Variants in PTPN21 observed in about 807,000 individuals in gnomAD.
PTPN21 encodes protein tyrosine phosphatase non-receptor type 21, also known as tyrosine-protein phosphatase non-receptor type 21.
Under a neutral mutation model 131.8 loss-of-function variants are expected in PTPN21, and 77 were observed. The observed-to-expected ratio is 0.58, with a 90% CI of 0.49 to 0.71. The LOEUF is 0.71. Ranked by LOEUF, PTPN21 falls within the 30% of genes least tolerant of loss-of-function variation. PTPN21 has a pLI of 0.00. For synonymous variants in PTPN21, 715 were observed against 621.3 expected, an observed-to-expected ratio of 1.15 and a Z score of -2.24; for missense variants, 1,552 against 1,527.1, an observed-to-expected ratio of 1.02 and a Z score of -0.27.
Position 88,504,440 on chromosome 14 carries a change from A to T in PTPN21, c.572T>A (p.Leu191Gln). 6.2e-7 allele frequency: 1 copy of T among 1,610,042 alleles called. No individual in the cohort carries two copies. The highest frequency in any genetic ancestry group is 8.5e-7 in the Non-Finnish European group (1 of 1,176,296). Residue 191 changes from leucine to glutamine, a missense_variant, in exon 6 of 19, where the codon CTA becomes CAA. Physicochemically the swap from Leu to Gln is moderately radical, Grantham distance 113. This residue lies in a region of PTPN21 where 206 missense variants were observed against 221.6 expected (regional missense o/e 0.93). Coordinates refer to ENST00000556564, the MANE Select transcript of PTPN21 (RefSeq NM_007039.4). ...TTAGAGTTACCTGTATTTCTGATGTAGTAAGGCCACTTTTTGGGTTGCTTC... is the reference window on the plus strand; with the variant it reads ...TTAGAGTTACCTGTATTTCTGATGTTGTAAGGCCACTTTTTGGGTTGCTTC... ...LEEATQKVALLHQKYRGLTAP... is the reference protein window; with the variant it reads ...LEEATQKVALQHQKYRGLTAP...
chr14:88,473,080 A>T (rs993880058), intron 14 of PTPN21, among the ~76,000 whole-genome samples: 1 of 152,124 alleles, frequency 6.6e-6, no homozygotes, highest in African/African-American at 2.4e-5. Context: ...CAGTAAGTAA[A>T]TCTAGGGGAC....
chr14:88,502,831 A>G (rs2078031118), intron 6 of PTPN21, among the ~76,000 whole-genome samples: 1 of 152,148 alleles, frequency 6.6e-6, no homozygotes, highest in Admixed American at 6.5e-5. Flanking sequence ...AGTAGAAAGC[A>G]TGAAAATACC....
At chr14:88,486,891 A>T (rs1331467068) in intron 10 of PTPN21, among the ~76,000 whole-genome samples, 1 of 150,626 alleles carries the variant, frequency 6.6e-6, no homozygotes, top group Admixed American at 6.7e-5. Flanking sequence ...CAGGGGAGTC[A>T]CTTGAACCCA....
intron 2 of PTPN21, chr14:88,547,494 TA>T (rs1181406117): frequency 4.9e-3 from 1,350 of 272,816 alleles, no homozygotes; most frequent in South Asian, 8.9e-3. Context: ...AAACACAAGT[TA>T]AAAAAAAAAT....
intron 13 of PTPN21, among the ~76,000 whole-genome samples, chr14:88,478,049 A>C (rs2077574109): frequency 6.6e-6 from 1 of 152,174 alleles, no homozygotes; most frequent in Non-Finnish European, 1.5e-5. Flanking sequence ...TAGTCATGTG[A>C]CCTTGGAAAA....
chr14:88,552,067 G>C (rs911532741), intron 1 of PTPN21: 4 of 152,204 alleles, frequency 2.6e-5, no homozygotes, highest in Non-Finnish European at 2.9e-5. Flanking sequence ...GTTCCGGCCC[G>C]GGACCGCGCG....
At chr14:88,518,826 TG>T (rs2078345023) in intron 2 of PTPN21, among the ~76,000 whole-genome samples, 1 of 152,128 alleles carries the variant, frequency 6.6e-6, no homozygotes, top group African/African-American at 2.4e-5. Flanking sequence ...CTCTTAGTTT[TG>T]GTTTCTATAA....
chr14:88,472,935 A>G (rs1595341337), intron 14 of PTPN21, among the ~76,000 whole-genome samples: 1 of 152,316 alleles, frequency 6.6e-6, no homozygotes, highest in East Asian at 1.9e-4. Flanking sequence ...AACAAAAGAC[A>G]ATCATTTTGG....
At chr14:88,504,286 T>C (rs2078056068) in intron 6 of PTPN21, 139 bp downstream of exon 6, 4 of 672,224 alleles carry the variant, frequency 6.0e-6, no homozygotes, top group Non-Finnish European at 1.0e-5. Context: ...TGGCTACTTG[T>C]AATAGTAGTG....
intron 3 of PTPN21, among the ~76,000 whole-genome samples, chr14:88,516,242 G>A (rs1443332326): frequency 6.6e-6 from 1 of 152,104 alleles, no homozygotes; most frequent in Non-Finnish European, 1.5e-5. Context: ...GGTCATAGAT[G>A]CTTCATGGAG....
intron 2 of PTPN21, among the ~76,000 whole-genome samples, chr14:88,533,285 C>T (rs751560255): frequency 6.6e-6 from 1 of 152,130 alleles, no homozygotes; most frequent in Non-Finnish European, 1.5e-5. Flanking sequence ...ATTACAGTCA[C>T]GTGCCGCATA....
intron 15 of PTPN21, 131 bp from the exon 16 acceptor site, chr14:88,470,181 A>C: frequency 2.6e-6 from 2 of 765,604 alleles, no homozygotes; most frequent in Non-Finnish European, 2.1e-6. Flanking sequence ...AAACTGGATT[A>C]TTCAGCAGAA....
intron 2 of PTPN21, among the ~76,000 whole-genome samples, chr14:88,523,293 C>G (rs75133067): frequency 0.012 from 1,836 of 151,770 alleles, 21 homozygotes; most frequent in Middle Eastern, 0.034. Flanking sequence ...GTAAAACATA[C>G]CCCCCAAAAT....
chr14:88,552,364 T>C (rs930181), intron 1 of PTPN21: 80,487 of 152,178 alleles, frequency 0.53, 24,306 homozygotes, highest in Middle Eastern at 0.7. Flanking sequence ...CAAATGTGTA[T>C]TGCGTCTCTG....
Position 88,473,787 on chromosome 14 carries a change from G to C in PTPN21, c.2527C>G (p.Arg843Gly). ...LPPLGGMKKT[R>G]VDAKKIGPLK... The stretch of plus-strand genomic sequence containing the variant: ...GGACCAATTTTTTTTGCATCTACTC[G>C]AGTCTTTTTCATTCCCTGTAAAAGG... The change falls in exon 14 of 19, where the codon CGA becomes GGA. Residue 843 changes from arginine to glycine, a missense_variant. Transcript: ENST00000556564. 2.5e-6 allele frequency: 4 copies of C among 1,606,430 alleles called. No individual in the cohort carries two copies. Among genetic ancestry groups the C allele is most frequent in the Non-Finnish European group, 3.4e-6 (4 of 1,178,130 alleles).
chr14:88,524,944 C>CA (rs1004624376), intron 2 of PTPN21, among the ~76,000 whole-genome samples: 13 of 151,358 alleles, frequency 8.6e-5, no homozygotes, highest in Non-Finnish European at 1.2e-4. Flanking sequence ...AACTTACATG[C>CA]AAAAAAAACC....
At chr14:88,525,867 T>C (rs1883442730) in intron 2 of PTPN21, among the ~76,000 whole-genome samples, 2 of 152,188 alleles carry the variant, frequency 1.3e-5, no homozygotes, top group Admixed American at 1.3e-4. Context: ...CATTCAGCCA[T>C]AAAACACAAT....
intron 2 of PTPN21, among the ~76,000 whole-genome samples, chr14:88,541,020 T>A (rs2139354636): frequency 6.6e-6 from 1 of 152,276 alleles, no homozygotes; most frequent in East Asian, 1.9e-4. Flanking sequence ...TACCCGTATA[T>A]TTTCTTAGCC....
At position 88,479,607 on chromosome 14, in the gene PTPN21, C is replaced by G. The variant is rs1356317370; in HGVS notation, c.1824G>C (p.Glu608Asp). Residue 608 changes from glutamate to aspartate, a missense_variant, in exon 13 of 19, where the codon GAG (glutamate) becomes GAC (aspartate). By Grantham distance (45) the Glu-to-Asp change is conservative. This residue lies in a region of PTPN21 where 1,016 missense variants were observed against 883.5 expected (regional missense o/e 1.15). Transcript: ENST00000556564. ...RVHHSVQTFQ[E>D]DSLPVAHSLQ... ...GCGAGTGCGCCACGGGCAGGCTGTC[C>G]TCCTGGAACGTTTGCACCGAGTGGT... The G allele has an allele frequency of 3.2e-6, 5 of 1,584,394 alleles. No individual in the cohort carries two copies. The highest frequency in any genetic ancestry group is 4.3e-6 in the Non-Finnish European group (5 of 1,171,046).
Sources: allele counts gnomAD v4.1 joint callset (sites outside exome capture counted in the v4.1 genomes callset), GRCh38; gene constraint gnomAD v4.1.1; regional missense constraint gnomAD v4.1.1; transcripts MANE v1.5; gene names NCBI Gene and HGNC (gene_info 2026-07-23, HGNC 2026-07-21).